DCC: variants seen among roughly 807,000 people sequenced by gnomAD.
DCC encodes the protein DCC netrin 1 receptor.
A neutral mutation model predicts 172.5 loss-of-function variants in DCC; 58 were observed. That is an observed-to-expected ratio of 0.34 (90% confidence interval 0.27 to 0.42). DCC has a LOEUF of 0.42. Among genes scored for constraint, DCC ranks in the 10% least tolerant of loss-of-function variants. DCC has a pLI of 1.00. For missense variants in DCC, 1,740 were observed against 1,791.0 expected (o/e 0.97, Z 0.51); for synonymous variants, 709 against 644.5 (o/e 1.10, Z -1.52).
rs988832996 is a variant in DCC, at chr18:53,384,746, T to C, written c.2360-1297T>C. ...TTTTGATCTATTTTTCTTGGGTGTT[T>C]TCTTCTACTTTTTATCCATTTTCTG... On this transcript the variant is annotated intron_variant, in intron 15 of 28. Coordinates refer to ENST00000442544, the MANE Select transcript of DCC (RefSeq NM_005215.4). Among the ~76,000 whole-genome samples, 6 of 152,232 alleles carry C rather than the reference T, an allele frequency of 3.9e-5. No individual in the cohort carries two copies. In the East Asian group the frequency reaches 5.8e-4, roughly 15 times the overall value.
intron 12 of DCC, among the ~76,000 whole-genome samples, chr18:53,223,667 C>T (rs1300820753): frequency 2.0e-5 from 3 of 152,126 alleles, no homozygotes; most frequent in Non-Finnish European, 4.4e-5. Flanking sequence ...TAGGTAAAAG[C>T]AGTTGCTAAC....
intron 1 of DCC, among the ~76,000 whole-genome samples, chr18:52,467,826 G>T (rs963488723): frequency 3.9e-5 from 6 of 152,070 alleles, no homozygotes; most frequent in Non-Finnish European, 5.9e-5. Flanking sequence ...TCATATGTTT[G>T]TTGGCCGCAT....
At chr18:52,537,594 C>T (rs966247302) in intron 1 of DCC, among the ~76,000 whole-genome samples, 11 of 152,068 alleles carry the variant, frequency 7.2e-5, no homozygotes, top group Admixed American at 2.0e-4. Flanking sequence ...ACAGCATGTA[C>T]ACATTTTTGG....
chr18:53,229,592 T>C (rs1408393211), intron 12 of DCC, among the ~76,000 whole-genome samples: 2 of 152,074 alleles, frequency 1.3e-5, no homozygotes, highest in Non-Finnish European at 2.9e-5. Context: ...ATTGGCCTTC[T>C]TCGGTGTATT....
At chr18:52,521,308 C>T (rs980727568) in intron 1 of DCC, among the ~76,000 whole-genome samples, 8 of 152,126 alleles carry the variant, frequency 5.3e-5, no homozygotes, top group African/African-American at 1.9e-4. Flanking sequence ...CATTTAAACT[C>T]CCATCATGTT....
chr18:52,799,093 C>T lies in DCC; in HGVS notation c.412+46719C>T, dbSNP rs149037177. Reference sequence around the variant, plus strand: ...GTTTGAAATAAAACAGGAACTATTACAAACTCACATGAAATGTTCTTGTGA... The same window carrying T: ...GTTTGAAATAAAACAGGAACTATTATAAACTCACATGAAATGTTCTTGTGA... On this transcript the variant is annotated intron_variant, in intron 2 of 28. Coordinates refer to ENST00000442544, the MANE Select transcript of DCC (RefSeq NM_005215.4). Among the ~76,000 whole-genome samples, 509 of 152,316 alleles carry T rather than the reference C, an allele frequency of 3.3e-3. 8 individuals are homozygous for T. The highest frequency in any genetic ancestry group is 0.011 in the African/African-American group (478 of 41,576).
At chr18:53,182,968 T>A (rs1306681001) in intron 9 of DCC, among the ~76,000 whole-genome samples, 4 of 152,164 alleles carry the variant, frequency 2.6e-5, no homozygotes, top group Admixed American at 2.0e-4. Context: ...ATATTTCTTT[T>A]CTGACAAAAT....
At chr18:53,427,525 G>C (rs867498174) in intron 21 of DCC, among the ~76,000 whole-genome samples, 4 of 151,880 alleles carry the variant, frequency 2.6e-5, no homozygotes, top group African/African-American at 9.7e-5. Flanking sequence ...TGACAAGGGT[G>C]ATCAGGAGCA....
At chr18:52,801,646 T>C (rs2037987755) in intron 2 of DCC, among the ~76,000 whole-genome samples, 2 of 152,218 alleles carry the variant, frequency 1.3e-5, no homozygotes, top group Admixed American at 6.5e-5. Context: ...ATATTTTGAA[T>C]CTTACAGAAG....
chr18:53,263,755 A>G (rs1214513995), intron 12 of DCC, among the ~76,000 whole-genome samples: 1 of 152,002 alleles, frequency 6.6e-6, no homozygotes, highest in Non-Finnish European at 1.5e-5. Flanking sequence ...TACTGGAATT[A>G]GATACCCTGT....
At chr18:52,626,073 T>C (rs2034568885) in intron 1 of DCC, among the ~76,000 whole-genome samples, 1 of 152,162 alleles carries the variant, frequency 6.6e-6, no homozygotes, top group South Asian at 2.1e-4. Flanking sequence ...TACATGTCAT[T>C]TAGAAGCTCT....
intron 5 of DCC, among the ~76,000 whole-genome samples, chr18:53,013,596 G>A (rs192901140): frequency 1.9e-4 from 29 of 151,616 alleles, no homozygotes; most frequent in South Asian, 2.1e-4. Flanking sequence ...ATGCATGTGG[G>A]GCTTAAATCC....
intron 1 of DCC, among the ~76,000 whole-genome samples, chr18:52,376,723 A>C (rs1021974882): frequency 6.6e-6 from 1 of 152,204 alleles, no homozygotes; most frequent in Non-Finnish European, 1.5e-5. Context: ...GGCACTTTAC[A>C]TACGTCATCT....
intron 2 of DCC, among the ~76,000 whole-genome samples, chr18:52,890,624 T>A (rs1428024918): frequency 1.3e-5 from 2 of 152,138 alleles, no homozygotes; most frequent in Admixed American, 6.6e-5. Flanking sequence ...TGGCCCCAGA[T>A]TGATGAACTC....
intron 2 of DCC, among the ~76,000 whole-genome samples, chr18:52,779,879 T>C (rs1283195948): frequency 6.6e-6 from 1 of 152,234 alleles, no homozygotes; most frequent in Admixed American, 6.5e-5. Flanking sequence ...ATTTGTGGTT[T>C]TGATTTGCAT....
intron 15 of DCC, among the ~76,000 whole-genome samples, chr18:53,371,695 A>G (rs2144958492): frequency 6.6e-6 from 1 of 152,162 alleles, no homozygotes; most frequent in Non-Finnish European, 1.5e-5. Context: ...AATACCTTCT[A>G]TTGAATGTTA....
intron 15 of DCC, among the ~76,000 whole-genome samples, chr18:53,342,426 T>A (rs2057669338): frequency 1.3e-5 from 2 of 151,838 alleles, no homozygotes; most frequent in Non-Finnish European, 2.9e-5. Context: ...ACCAAACCAC[T>A]TTTAAAACTC....
At chr18:52,381,725 G>A (rs940289744) in intron 1 of DCC, among the ~76,000 whole-genome samples, 2 of 152,100 alleles carry the variant, frequency 1.3e-5, no homozygotes, top group Admixed American at 6.6e-5. Flanking sequence ...TTCAAGGTCT[G>A]CTTTCACTGG....
intron 27 of DCC, among the ~76,000 whole-genome samples, chr18:53,507,919 A>C (rs1298890270): frequency 8.0e-6 from 1 of 125,204 alleles, no homozygotes; most frequent in Non-Finnish European, 1.6e-5. Flanking sequence ...TTTGAGATGG[A>C]GTCTCGCTCT....
Sources: gnomAD v4.1 joint callset for allele counts (sites outside exome capture counted in the v4.1 genomes callset) on GRCh38, gnomAD v4.1.1 for gene constraint, MANE v1.5 for transcripts, NCBI Gene and HGNC (gene_info 2026-07-23, HGNC 2026-07-21) for gene names.